TMPRSS7: variants seen among roughly 807,000 people sequenced by gnomAD.
The protein encoded by TMPRSS7 is transmembrane serine protease 7.
Under a neutral mutation model 95.6 loss-of-function variants are expected in TMPRSS7, and 81 were observed. The observed-to-expected ratio is 0.85, with a 90% CI of 0.71 to 1.02. The LOEUF is 1.02. Ranked by LOEUF, TMPRSS7 falls within the 50% of genes least tolerant of loss-of-function variation. TMPRSS7 has a pLI of 0.00. For synonymous variants in TMPRSS7, 364 were observed against 337.8 expected (o/e 1.08, Z -0.85); for missense variants, 945 against 955.2 (o/e 0.99, Z 0.14).
chr3:112,062,842 T>C (rs551593401), intron 11 of TMPRSS7, among the ~76,000 whole-genome samples: 39 of 152,310 alleles, frequency 2.6e-4, no homozygotes, highest in East Asian at 2.1e-3. Flanking sequence ...GGATTCATTA[T>C]TTCTCTAATG....
intron 9 of TMPRSS7, among the ~76,000 whole-genome samples, chr3:112,056,774 C>T (rs2073437997): frequency 6.6e-6 from 1 of 152,098 alleles, no homozygotes; most frequent in Non-Finnish European, 1.5e-5. Flanking sequence ...AACTGAAACC[C>T]AGAGATGCTG....
chr3:112,042,941 A>C (rs1219823303), intron 3 of TMPRSS7: 1 of 452,296 alleles, frequency 2.2e-6, no homozygotes, highest in Admixed American at 2.4e-5. Flanking sequence ...GAGGGTTGTC[A>C]TAGTGATGAA....
In TMPRSS7 at chr3:112,078,735, T is replaced by G. The variant is rs1179208679; in HGVS notation, c.2225-7T>G. ...AACATCATTTCTACTTCCAATGTGT[T>G]TTGCAGATAATAAAGGCTCCCTCGT... is the stretch of plus-strand genomic sequence containing the variant. On this transcript the variant is annotated splice_region_variant and splice_polypyrimidine_tract_variant and intron_variant, in intron 16 of 17. Transcript: ENST00000452346. 6.2e-7 allele frequency: 1 copy of G among 1,614,000 alleles called. No individual in the cohort carries two copies. The highest frequency in any genetic ancestry group is 8.5e-7 in the Non-Finnish European group (1 of 1,180,006).
intron 8 of TMPRSS7, 137 bp downstream of exon 8, chr3:112,050,111 A>G: frequency 2.6e-6 from 2 of 782,998 alleles, no homozygotes; most frequent in Non-Finnish European, 3.7e-6. Context: ...GTCAGAAGAG[A>G]GAGACCATAT....
chr3:112,036,572 A>G (rs1406846374), intron 1 of TMPRSS7, among the ~76,000 whole-genome samples: 2 of 152,044 alleles, frequency 1.3e-5, no homozygotes, highest in Admixed American at 1.3e-4. Flanking sequence ...CTGTCAAAAA[A>G]AAAAAAAGGA....
At chr3:112,079,862 A>G (rs746497351) in intron 17 of TMPRSS7, among the ~76,000 whole-genome samples, 2 of 152,210 alleles carry the variant, frequency 1.3e-5, no homozygotes, top group African/African-American at 2.4e-5. Flanking sequence ...GGGTAAGTAA[A>G]TTGCCTAAGG....
At chr3:112,050,873 A>G (rs2073339608) in intron 9 of TMPRSS7, 90 bp downstream of exon 9, 1 of 630,512 alleles carries the variant, frequency 1.6e-6, no homozygotes. Context: ...ACAAAAGAAT[A>G]TTGCTTAATT....
intron 12 of TMPRSS7, among the ~76,000 whole-genome samples, chr3:112,063,865 T>G (rs2073543454): frequency 6.6e-6 from 1 of 152,220 alleles, no homozygotes; most frequent in Non-Finnish European, 1.5e-5. Flanking sequence ...CTTCAAGCAT[T>G]GGGTCCACCT....
At chr3:112,039,791 A>G (rs1358183624) in intron 2 of TMPRSS7, 1 of 152,248 alleles carries the variant, frequency 6.6e-6, no homozygotes, top group Admixed American at 6.5e-5. Context: ...TCATTTTAGC[A>G]AATTATGAAA....
chr3:112,069,286 C>T (rs536907987), intron 13 of TMPRSS7, among the ~76,000 whole-genome samples: 14 of 152,020 alleles, frequency 9.2e-5, no homozygotes, highest in African/African-American at 3.1e-4. Flanking sequence ...CTAAAATTCT[C>T]TTTTTTTGTT....
At chr3:112,080,715 T>C (rs2073769101) in intron 17 of TMPRSS7, among the ~76,000 whole-genome samples, 199 bp from the exon 18 acceptor site, 2 of 152,206 alleles carry the variant, frequency 1.3e-5, no homozygotes, top group Admixed American at 1.3e-4. Context: ...TGAATGCAGC[T>C]GTTTGATTAT....
intron 11 of TMPRSS7, 67 bp from the exon 12 acceptor site, chr3:112,063,458 A>G (rs1330150038): frequency 1.7e-6 from 2 of 1,198,930 alleles, no homozygotes; most frequent in African/African-American, 3.0e-5. Flanking sequence ...TAAATTTGCT[A>G]ATGTGGTCTA....
intron 13 of TMPRSS7, among the ~76,000 whole-genome samples, chr3:112,071,303 G>A (rs2073642936): frequency 1.3e-5 from 2 of 152,214 alleles, no homozygotes; most frequent in South Asian, 4.1e-4. Context: ...TAGGGTTTCT[G>A]CCGAGAGATC....
intron 6 of TMPRSS7, 72 bp from the exon 7 acceptor site, chr3:112,047,667 A>G: frequency 8.3e-7 from 1 of 1,207,244 alleles, no homozygotes. Flanking sequence ...ACTTTTCTAT[A>G]AAGATTTCTG....
At chr3:112,050,545 G>C in intron 8 of TMPRSS7, 126 bp from the exon 9 acceptor site, 1 of 204,850 alleles carries the variant, frequency 4.9e-6, no homozygotes, top group Non-Finnish European at 8.6e-6. Context: ...AAAACCCAAA[G>C]TTTAAGAAAT....
At chr3:112,079,600 C>A (rs1019956691) in intron 17 of TMPRSS7, among the ~76,000 whole-genome samples, 1 of 152,080 alleles carries the variant, frequency 6.6e-6, no homozygotes, top group South Asian at 2.1e-4. Flanking sequence ...TGAGACAATT[C>A]TTCTTCCAGT....
At chr3:112,070,823 A>G (rs1389706928) in intron 13 of TMPRSS7, among the ~76,000 whole-genome samples, 1 of 152,206 alleles carries the variant, frequency 6.6e-6, no homozygotes, top group Admixed American at 6.5e-5. Context: ...GCGTGTGCAC[A>G]ACGTGCAGGT....
At chr3:112,047,565 T>A (rs1346806110) in intron 6 of TMPRSS7, 174 bp from the exon 7 acceptor site, 5 of 667,728 alleles carry the variant, frequency 7.5e-6, no homozygotes, top group Non-Finnish European at 1.4e-5. Flanking sequence ...GTGTGGATAG[T>A]TTCTAAAGGC....
At chr3:112,067,461 T>C (rs1363245918) in intron 13 of TMPRSS7, among the ~76,000 whole-genome samples, 3 of 152,222 alleles carry the variant, frequency 2.0e-5, no homozygotes, top group Non-Finnish European at 2.9e-5. Context: ...GTAAAAGCAT[T>C]CCTATTTCTC....
Sources: gnomAD v4.1 joint callset for allele counts (sites outside exome capture counted in the v4.1 genomes callset) on GRCh38, gnomAD v4.1.1 for gene constraint, MANE v1.5 for transcripts, NCBI Gene and HGNC (gene_info 2026-07-23, HGNC 2026-07-21) for gene names.